Variants in SLC6A20 observed in about 807,000 individuals in gnomAD.
SLC6A20 encodes sodium- and chloride-dependent transporter XTRP3.
Under a neutral mutation model 64.3 loss-of-function variants are expected in SLC6A20, and 73 were observed. The ratio of observed to expected loss-of-function variants is 1.14; its 90% CI spans 0.94 to 1.38. The LOEUF (loss-of-function observed/expected upper bound fraction) is 1.38. SLC6A20 is among the 40% of genes most tolerant of loss of function. The pLI is 0.00. For missense variants in SLC6A20, 725 were observed against 772.8 expected (o/e 0.94, Z 0.73); for synonymous variants, 347 against 329.6 (o/e 1.05, Z -0.57).
rs1699538778 is a variant in SLC6A20, at chr3:45,756,178, T to C, written c.*2800A>G. 6.6e-6 allele frequency: 1 copy of C among 152,180 alleles called. No individual in the cohort carries two copies. Among genetic ancestry groups the C allele is most frequent in the African/African-American group, 2.4e-5 (1 of 41,430 alleles). The allele number at this position is 152,180 out of a possible 1,614,324, so 9.4% of individuals were successfully genotyped here. A position where few individuals can be genotyped will look rare whatever the true frequency, so the allele number is the denominator to read the frequency against. The stretch of plus-strand genomic sequence containing the variant: ...GTGGGGACACTGAATAAGGTAATGA[T>C]CTAGGACATTTATCTTTTCACTCCT... On this transcript the variant is annotated 3_prime_UTR_variant, in exon 11 of 11. Transcript: ENST00000358525.
intron 7 of SLC6A20, among the ~76,000 whole-genome samples, chr3:45,766,284 C>T (rs1419666950): frequency 2.0e-5 from 3 of 152,178 alleles, no homozygotes; most frequent in Non-Finnish European, 4.4e-5. Context: ...CCCTAAGGGG[C>T]TCAAAAGGGA....
intron 7 of SLC6A20, among the ~76,000 whole-genome samples, chr3:45,767,315 A>G (rs1188985464): frequency 6.6e-6 from 1 of 152,260 alleles, no homozygotes; most frequent in Non-Finnish European, 1.5e-5. Flanking sequence ...GAAACAAAGG[A>G]TAACATTACA....
chr3:45,785,210 G>C (rs1391209083), intron 1 of SLC6A20, among the ~76,000 whole-genome samples: 1 of 152,154 alleles, frequency 6.6e-6, no homozygotes, highest in Non-Finnish European at 1.5e-5. Flanking sequence ...TGACTACAAG[G>C]GGCATGATTT....
chr3:45,780,766 C>T (rs1402233179), intron 2 of SLC6A20, among the ~76,000 whole-genome samples: 2 of 152,220 alleles, frequency 1.3e-5, no homozygotes, highest in African/African-American at 4.8e-5. Flanking sequence ...CTCTCCCCAG[C>T]CGCAAGTGCT....
chr3:45,793,475 T>G (rs572314967), intron 1 of SLC6A20, among the ~76,000 whole-genome samples: 3 of 152,184 alleles, frequency 2.0e-5, no homozygotes, highest in African/African-American at 7.2e-5. Flanking sequence ...GTGAAGTTCT[T>G]TGAGCTGCCT....
intron 1 of SLC6A20, among the ~76,000 whole-genome samples, chr3:45,786,124 AT>A (rs953089994): frequency 2.0e-5 from 3 of 152,196 alleles, no homozygotes; most frequent in South Asian, 4.2e-4. Context: ...TAAGTCACTA[AT>A]TTTTTTTCTT....
chr3:45,766,545 T>A (rs1258002472), intron 7 of SLC6A20, among the ~76,000 whole-genome samples: 3 of 152,248 alleles, frequency 2.0e-5, no homozygotes, highest in Non-Finnish European at 2.9e-5. Context: ...AGAATTGCTA[T>A]GGACTGAACC....
intron 1 of SLC6A20, among the ~76,000 whole-genome samples, chr3:45,795,069 C>A (rs1166889056): frequency 6.6e-6 from 1 of 152,116 alleles, no homozygotes; most frequent in African/African-American, 2.4e-5. Flanking sequence ...GGTCTAACAT[C>A]TTCCATGATC....
chr3:45,794,024 G>A (rs560948232), intron 1 of SLC6A20, among the ~76,000 whole-genome samples: 17 of 152,294 alleles, frequency 1.1e-4, no homozygotes, highest in Middle Eastern at 3.4e-3. Flanking sequence ...AGGTTGGGCC[G>A]GGCGGAGACA....
Position 45,765,991 on chromosome 3 carries a change from C to T in SLC6A20, c.1099-250G>A, listed in dbSNP as rs550363441. The stretch of plus-strand genomic sequence containing the variant: ...GCCTGCAACACTGAGTTCCCCTCTC[C>T]TGCCCCAACTTACGTACATTCTGGA... On this transcript the variant is annotated intron_variant, in intron 7 of 10. Transcript: ENST00000358525. This position sits in a 1 kb window ranked among gnomAD's most constrained non-coding sequence, Gnocchi z 4.2. 6.6e-6 allele frequency among the ~76,000 whole-genome samples: 1 copy of T among 152,222 alleles called. No homozygotes were observed. The highest frequency in any genetic ancestry group is 2.4e-5 in the African/African-American group (1 of 41,462).
At chr3:45,763,647 C>A (rs989811944) in intron 8 of SLC6A20, among the ~76,000 whole-genome samples, 2 of 152,176 alleles carry the variant, frequency 1.3e-5, no homozygotes. Flanking sequence ...AGCCCCCTTT[C>A]ACAGATGGGA....
Position 45,796,431 on chromosome 3 carries a change from C to T in SLC6A20, c.-12G>A. ...CGCGCTTTCTCCATGGCCCCGGCCT[C>T]GGCGCGCTCGGCTCCGGCTCGGGGG... On this transcript the variant is annotated 5_prime_UTR_variant, in exon 1 of 11. Transcript: ENST00000358525. 2 of 1,606,964 alleles carry T rather than the reference C, an allele frequency of 1.2e-6. No individual in the cohort carries two copies. The highest frequency in any genetic ancestry group is 3.4e-5 in the Admixed American group (2 of 59,684).
intron 1 of SLC6A20, chr3:45,790,492 A>G (rs1346157120): frequency 2.0e-5 from 3 of 152,134 alleles, no homozygotes; most frequent in African/African-American, 7.2e-5. Flanking sequence ...TTCCCCCAAA[A>G]GTTTCCCATT....
In SLC6A20 at chr3:45,796,504, C is replaced by T. The variant is rs1378991571; in HGVS notation, c.-85G>A. Reference sequence around the variant, plus strand: ...GCGGTCGCCAGGCGCGCCGTCCCACCCCGGCTCGGCTTGGGGGTGGCCCCG... The same window carrying T: ...GCGGTCGCCAGGCGCGCCGTCCCACTCCGGCTCGGCTTGGGGGTGGCCCCG... On this transcript the variant is annotated 5_prime_UTR_variant, in exon 1 of 11. Coordinates refer to ENST00000358525, the MANE Select transcript of SLC6A20 (RefSeq NM_020208.4). 10 of 1,420,582 alleles carry T rather than the reference C, an allele frequency of 7.0e-6. No homozygotes were observed. The highest frequency in any genetic ancestry group is 1.5e-5 in the African/African-American group (1 of 67,112). The allele number at this position is 1,420,582 out of a possible 1,614,324, so 88.0% of individuals were successfully genotyped here.
intron 1 of SLC6A20, among the ~76,000 whole-genome samples, chr3:45,791,941 G>A (rs185990239): frequency 2.0e-5 from 3 of 152,302 alleles, no homozygotes; most frequent in African/African-American, 2.4e-5. Context: ...GATTTAGCCC[G>A]GGGATCAAAG....
At chr3:45,773,990 C>T (rs1699922345) in intron 4 of SLC6A20, among the ~76,000 whole-genome samples, 1 of 152,246 alleles carries the variant, frequency 6.6e-6, no homozygotes, top group Admixed American at 6.5e-5. Context: ...CCTCCTTCCC[C>T]CAAGGTGAGC....
chr3:45,755,846 C>CTGTT lies in SLC6A20; in HGVS notation c.*3128_*3131dup, dbSNP rs1559558527. The CTGTT allele has an allele frequency of 1.3e-5, 2 of 152,610 alleles. No individual in the cohort carries two copies. Among genetic ancestry groups the CTGTT allele is most frequent in the Admixed American group, 6.5e-5 (1 of 15,284 alleles). 9.5% of individuals were successfully genotyped at this position (152,610 alleles called of 1,614,324 possible). On this transcript the variant is annotated 3_prime_UTR_variant, in exon 11 of 11. Transcript: ENST00000358525. ...TTATTCTGTAACAGTGGTGCTTCAT[C>CTGTT]TGTTTGAGTTCCATGAGCAAAAACT...
At chr3:45,782,827 G>A (rs996046949) in intron 1 of SLC6A20, among the ~76,000 whole-genome samples, 11 of 152,094 alleles carry the variant, frequency 7.2e-5, no homozygotes, top group Admixed American at 1.3e-4. Context: ...ATTCATCCTC[G>A]CTGGGAGGCA....
Position 45,796,364 on chromosome 3 carries a change from A to G in SLC6A20, c.56T>C (p.Ile19Thr), listed in dbSNP as rs1160855071. ...ANSLQFVFAC[I>T]SYAVGLGNVW... is the part of the protein sequence containing the mutation. ...GTTGCCCAGGCCCACGGCGTACGAG[A>G]TGCAGGCGAACACGAACTGTAGCGA... The change falls in exon 1 of 11, where the codon ATC becomes ACC. Residue 19 changes from isoleucine (I) to threonine (T), a missense_variant. By Grantham distance (89) the Ile-to-Thr change is moderately conservative. Coordinates refer to ENST00000358525, the MANE Select transcript of SLC6A20 (RefSeq NM_020208.4). 6.2e-7 allele frequency: 1 copy of G among 1,612,444 alleles called. No homozygotes were observed. Among genetic ancestry groups the G allele is most frequent in the East Asian group, 2.2e-5 (1 of 44,782 alleles).
Sources: gnomAD v4.1 joint callset for allele counts (sites outside exome capture counted in the v4.1 genomes callset) on GRCh38, gnomAD v4.1.1 for gene constraint, Gnocchi (gnomAD v3.1) non-coding constraint, MANE v1.5 for transcripts, NCBI Gene and HGNC (gene_info 2026-07-23, HGNC 2026-07-21) for gene names.